The following LINC00632 variants were observed in gnomAD, a reference collection of about 807,000 sequenced individuals.
LINC00632 encodes ALDOA related specific transcript.
chrX:140,735,731 T>C (rs1931134039), intron 3 of LINC00632, among the ~76,000 whole-genome samples: 1 of 110,656 alleles, frequency 9.0e-6, no homozygotes, highest in African/African-American at 3.3e-5. Context: ...CACGCCCAAC[T>C]AATTTTTGTA....
intron 3 of LINC00632, among the ~76,000 whole-genome samples, chrX:140,768,668 TAATA>T (rs998572051): frequency 8.2e-5 from 8 of 97,247 alleles, no homozygotes; most frequent in South Asian, 8.4e-4. Context: ...AATAAATCTA[TAATA>T]AATATACATA....
intron 2 of LINC00632, among the ~76,000 whole-genome samples, chrX:140,723,598 GAC>G (rs1569348302): frequency 9.7e-4 from 3 of 3,087 alleles, no homozygotes; most frequent in African/African-American, 1.8e-3. Flanking sequence ...TCCATACACA[GAC>G]ACACATTCCA....
chrX:140,774,776 C>T (rs1324034673), exon 5 of LINC00632, among the ~76,000 whole-genome samples: 2 of 111,304 alleles, frequency 1.8e-5, no homozygotes, highest in East Asian at 5.6e-4. Context: ...ATTGTCTAGG[C>T]TTTCATAATA....
At position 140,769,802 on chromosome X, in the gene LINC00632, G is replaced by A. The variant is rs780304171; in HGVS notation, n.192-2276G>A. On this transcript the variant is annotated intron_variant and non_coding_transcript_variant, in intron 3 of 4. Coordinates refer to ENST00000648200, the Ensembl canonical transcript of LINC00632. ...CCGCCTTTGTCCCTTCCACCTGCTT[G>A]CCTTCTCCTCCACACCCTAAAAATT... is the stretch of plus-strand genomic sequence containing the variant. Among the ~76,000 whole-genome samples, 17 of 111,038 alleles carry A rather than the reference G, an allele frequency of 1.5e-4. No homozygotes were observed. The South Asian group carries it at 6.6e-3, about 43-fold the overall frequency.
chrX:140,709,975 T>C (rs1425180512), intron 1 of LINC00632, among the ~76,000 whole-genome samples: 1 of 112,458 alleles, frequency 8.9e-6, no homozygotes, highest in Non-Finnish European at 1.9e-5. Context: ...CTGGTCATTT[T>C]TCTAGTTTAA....
chrX:140,723,411 ACACATTCCAT>A (rs1332718464), intron 2 of LINC00632, among the ~76,000 whole-genome samples: 2 of 7,620 alleles, frequency 2.6e-4, no homozygotes, highest in African/African-American at 1.0e-3. Context: ...TTCCATACAC[ACACATTCCAT>A]ACACACACAT....
At chrX:140,740,500 G>T (rs1931208184) in intron 3 of LINC00632, among the ~76,000 whole-genome samples, 1 of 110,740 alleles carries the variant, frequency 9.0e-6, no homozygotes, top group Non-Finnish European at 1.9e-5. Flanking sequence ...TGATTCTAAT[G>T]ATACTCTTGA....
rs1242982776 is a variant in LINC00632 at position 140,732,765 on chromosome X, CT to C, written n.105-1099del. ...AGCACCTTTACAAAGGTGGCTATGA[CT>C]TTTTTTTTTTTTTCTGAGACAGAGT... is the stretch of plus-strand genomic sequence containing the variant. On this transcript the variant is annotated intron_variant and non_coding_transcript_variant, in intron 2 of 4. Transcript: ENST00000648200. 2.6e-3 allele frequency among the ~76,000 whole-genome samples: 260 copies of C among 101,558 alleles called. 1 individual carries two copies. Among genetic ancestry groups the C allele is most frequent in the Non-Finnish European group, 3.1e-3 (156 of 49,619 alleles). 88.2% of individuals were successfully genotyped at this position (101,558 alleles called of 115,157 possible).
At chrX:140,736,968 C>T (rs1450776692) in intron 3 of LINC00632, among the ~76,000 whole-genome samples, 8 of 101,834 alleles carry the variant, frequency 7.9e-5, no homozygotes, top group East Asian at 6.2e-4. Flanking sequence ...GGTGCAATCT[C>T]GGCTCATTGC....
intron 3 of LINC00632, among the ~76,000 whole-genome samples, chrX:140,744,594 G>C (rs1224996564): frequency 1.0e-5 from 1 of 96,625 alleles, no homozygotes; most frequent in Non-Finnish European, 2.1e-5. Context: ...GGAGGAGATG[G>C]AGTCTTGCTT....
At chrX:140,780,413 T>A (rs1173934546) in exon 5 of LINC00632, among the ~76,000 whole-genome samples, 1 of 111,942 alleles carries the variant, frequency 8.9e-6, no homozygotes, top group Non-Finnish European at 1.9e-5. Context: ...TCCTTGTCTG[T>A]AAGTTACTCC....
chrX:140,718,889 G>A (rs914069945), intron 2 of LINC00632, among the ~76,000 whole-genome samples: 29 of 111,443 alleles, frequency 2.6e-4, no homozygotes, highest in African/African-American at 9.5e-4. Context: ...ATACACATAC[G>A]TGCTCTACAA....
At chrX:140,752,606 C>T (rs1166614088) in intron 3 of LINC00632, among the ~76,000 whole-genome samples, 1 of 112,066 alleles carries the variant, frequency 8.9e-6, no homozygotes, top group Non-Finnish European at 1.9e-5. Flanking sequence ...AGCAAGAATG[C>T]ATTACTTTTC....
chrX:140,733,521 T>C (rs912276015), intron 2 of LINC00632, among the ~76,000 whole-genome samples: 2 of 112,081 alleles, frequency 1.8e-5, no homozygotes, highest in Admixed American at 9.5e-5. Context: ...TCTTTGAAGA[T>C]GTAGTGAAAT....
chrX:140,787,555 T>A (rs751634941), exon 5 of LINC00632, among the ~76,000 whole-genome samples: 2 of 111,333 alleles, frequency 1.8e-5, no homozygotes, highest in Admixed American at 1.9e-4. Flanking sequence ...TGTGTTTGGG[T>A]ATTACTTAGG....
At chrX:140,767,781 G>A (rs1321998434) in intron 3 of LINC00632, among the ~76,000 whole-genome samples, 1 of 111,788 alleles carries the variant, frequency 8.9e-6, no homozygotes. Context: ...GGATGAGAAG[G>A]CCAAGACTGA....
intron 3 of LINC00632, among the ~76,000 whole-genome samples, chrX:140,770,978 C>A: frequency 9.0e-6 from 1 of 111,635 alleles, no homozygotes; most frequent in East Asian, 2.8e-4. Context: ...GAGGACTCAA[C>A]CTGGTTACCC....
At chrX:140,772,003 A>C (rs1380242651) in intron 3 of LINC00632, 1 of 253,002 alleles carries the variant, frequency 4.0e-6, no homozygotes, top group Non-Finnish European at 6.9e-6. Context: ...TTATTACTCC[A>C]AATTTATAAG....
At chrX:140,759,348 T>TTCCTTC (rs1569354270) in intron 3 of LINC00632, among the ~76,000 whole-genome samples, 4 of 46,657 alleles carry the variant, frequency 8.6e-5, no homozygotes, top group East Asian at 1.1e-3. Flanking sequence ...TTCCTTCCTT[T>TTCCTTC]CTTTCTTTCT....
Sources: allele counts gnomAD v4.1 joint callset (sites outside exome capture counted in the v4.1 genomes callset), GRCh38; gene constraint gnomAD v4.1.1; transcripts MANE v1.5; gene names NCBI Gene and HGNC (gene_info 2026-07-23, HGNC 2026-07-21).